Variants in ATXN10 observed in about 807,000 individuals in gnomAD.
ATXN10 encodes ataxin-10.
In ATXN10, 28 loss-of-function variants were observed where a neutral mutation model predicts 52.9. That is an observed-to-expected ratio of 0.53 (90% CI 0.39 to 0.73). The LOEUF (loss-of-function observed/expected upper bound fraction) is 0.73, where lower values mean the gene tolerates loss of function less well. ATXN10 is among the 30% of genes least tolerant of loss of function. The pLI is 0.00. For missense variants in ATXN10, 565 were observed against 577.0 expected, an observed-to-expected ratio of 0.98 and a Z score of 0.21; for synonymous variants, 226 against 221.5, an observed-to-expected ratio of 1.02 and a Z score of -0.18.
chr22:45,843,644 ATT>A lies in ATXN10; in HGVS notation c.1426-22_1426-21del. On this transcript the variant is annotated intron_variant, in intron 11 of 11. Coordinates refer to ENST00000252934, the MANE Select transcript of ATXN10 (RefSeq NM_013236.4). This position sits in a 1 kb window ranked among gnomAD's most constrained non-coding sequence, Gnocchi z 4.5. ...TGTGAACAGATTTGCTACATCTGCAATTTTGTTTCTTTCTTCTTCTTTAGTGA... is the reference window on the plus strand; with the variant it reads ...TGTGAACAGATTTGCTACATCTGCAATTGTTTCTTTCTTCTTCTTTAGTGA... 2 of 1,611,016 alleles carry A rather than the reference ATT, an allele frequency of 1.2e-6. No homozygotes were observed. Among genetic ancestry groups the A allele is most frequent in the Non-Finnish European group, 1.7e-6 (2 of 1,177,952 alleles).
intron 9 of ATXN10, 179 bp downstream of exon 9, chr22:45,740,717 C>CACATAT (rs1925487942): frequency 2.5e-6 from 1 of 405,870 alleles, no homozygotes; most frequent in African/African-American, 2.4e-5. Context: ...CACACACACA[C>CACATAT]ACATATATAT....
intron 9 of ATXN10, chr22:45,793,064 C>T: frequency 3.9e-6 from 1 of 254,248 alleles, no homozygotes; most frequent in East Asian, 8.4e-5. Flanking sequence ...GGACCGTGGT[C>T]ACCAGGTTTG....
intron 5 of ATXN10, among the ~76,000 whole-genome samples, chr22:45,709,085 A>T (rs926165613): frequency 6.6e-6 from 1 of 152,192 alleles, no homozygotes; most frequent in Admixed American, 6.5e-5. Flanking sequence ...TGCCTTATGC[A>T]TGTACATTTT....
At chr22:45,729,652 C>CCT in intron 7 of ATXN10, 62 bp downstream of exon 7, 1 of 1,548,696 alleles carries the variant, frequency 6.5e-7, no homozygotes, top group Admixed American at 1.7e-5. Flanking sequence ...CTAACTCAGC[C>CCT]AAGTCCTGTA....
At position 45,833,905 on chromosome 22, in the gene ATXN10, A is replaced by G. The variant is rs1929075699; in HGVS notation, c.1238-9086A>G. Among the ~76,000 whole-genome samples the G allele has an allele frequency of 6.6e-6, 1 of 152,156 alleles. No individual in the cohort carries two copies. Among genetic ancestry groups the G allele is most frequent in the Non-Finnish European group, 1.5e-5 (1 of 68,040 alleles). On this transcript the variant is annotated intron_variant, in intron 10 of 11. Coordinates refer to ENST00000252934, the MANE Select transcript of ATXN10 (RefSeq NM_013236.4). This position sits in a 1 kb window ranked among gnomAD's most constrained non-coding sequence, Gnocchi z 4.3. ...AGCGGATGCCAGAGCCTGACTGCCT[A>G]CTTCCAAATCCACCTTGAACACATC... is the stretch of plus-strand genomic sequence containing the variant.
intron 9 of ATXN10, chr22:45,792,699 T>C (rs373068382): frequency 2.9e-6 from 1 of 350,514 alleles, no homozygotes; most frequent in African/African-American, 2.1e-5. Flanking sequence ...CTCTGAACTA[T>C]CTATTGCTTT....
At position 45,795,308 on chromosome 22, in the gene ATXN10, T is replaced by C. The variant is rs766390897; in HGVS notation, c.1174-11651T>C. Among the ~76,000 whole-genome samples, 3 of 152,116 alleles carry C rather than the reference T, an allele frequency of 2.0e-5. No homozygotes were observed. The highest frequency in any genetic ancestry group is 4.4e-5 in the Non-Finnish European group (3 of 68,026). The stretch of plus-strand genomic sequence containing the variant: ...AAACTCAATCATGTTGATAAATATA[T>C]TAAATGTAAATGGCTTAAATATCCA... On this transcript the variant is annotated intron_variant, in intron 9 of 11. Transcript: ENST00000252934. This position sits in a 1 kb window ranked among gnomAD's most constrained non-coding sequence, Gnocchi z 4.6.
rs1569054878 is a variant in ATXN10, at chr22:45,762,983, CAG to C, written c.1173+22446_1173+22447del. On this transcript the variant is annotated intron_variant, in intron 9 of 11. Coordinates refer to ENST00000252934, the MANE Select transcript of ATXN10 (RefSeq NM_013236.4). This position sits in a 1 kb window ranked among gnomAD's most constrained non-coding sequence, Gnocchi z 4.3. ...CCAGCATCCGGAATCAGACCATCCT[CAG>C]GGGATTGGAATGCACAGAAGCATTT... Among the ~76,000 whole-genome samples, 2 of 152,244 alleles carry C rather than the reference CAG, an allele frequency of 1.3e-5. No homozygotes were observed. The highest frequency in any genetic ancestry group is 4.8e-5 in the African/African-American group (2 of 41,462).
At chr22:45,679,082 C>T (rs1234685463) in intron 1 of ATXN10, 1 of 152,200 alleles carries the variant, frequency 6.6e-6, no homozygotes, top group Non-Finnish European at 1.5e-5. Flanking sequence ...TTCTGACCTT[C>T]AGGTGCTTTT....
At chr22:45,729,332 A>G in intron 6 of ATXN10, 93 bp from the exon 7 acceptor site, 2 of 1,284,636 alleles carry the variant, frequency 1.6e-6, no homozygotes, top group Non-Finnish European at 2.2e-6. Flanking sequence ...ATTTAAAATA[A>G]TAATATTCCC....
intron 3 of ATXN10, among the ~76,000 whole-genome samples, chr22:45,694,091 A>G (rs1923491740): frequency 6.6e-6 from 1 of 152,154 alleles, no homozygotes. Context: ...TTAAGTGTCT[A>G]AGTCAAGTAT....
chr22:45,689,822 C>T lies in ATXN10; in HGVS notation c.227C>T (p.Ser76Phe). 1 of 1,614,172 alleles carries T rather than the reference C, an allele frequency of 6.2e-7. No homozygotes were observed. Among genetic ancestry groups the T allele is most frequent in the South Asian group, 1.1e-5 (1 of 91,082 alleles). ...RDPSQVENLA[S>F]SLQLITECFR... is the part of the protein sequence containing the mutation. ...CCATCCCAAGTGGAAAACCTGGCTTCCAGTCTGCAGTTAATAACAGAATGC... is the reference window on the plus strand; with the variant it reads ...CCATCCCAAGTGGAAAACCTGGCTTTCAGTCTGCAGTTAATAACAGAATGC... The change falls in exon 2 of 12, where the codon TCC (serine) becomes TTC (phenylalanine). Residue 76 changes from serine (S) to phenylalanine (F), a missense_variant. Physicochemically the swap from Ser to Phe is radical, Grantham distance 155. Transcript: ENST00000252934.
intron 9 of ATXN10, among the ~76,000 whole-genome samples, chr22:45,765,635 A>C (rs1335975372): frequency 1.3e-5 from 2 of 152,170 alleles, no homozygotes; most frequent in African/African-American, 2.4e-5. Flanking sequence ...CCATGTCATA[A>C]ATCACTCCTC....
Position 45,690,896 on chromosome 22 carries a change from T to C in ATXN10, c.308+993T>C, listed in dbSNP as rs190854247. Among the ~76,000 whole-genome samples, 443 of 152,318 alleles carry C rather than the reference T, an allele frequency of 2.9e-3. 2 individuals are homozygous for C. Among genetic ancestry groups the C allele is most frequent in the South Asian group, 8.7e-3 (42 of 4,820 alleles). Reference sequence around the variant, plus strand: ...CAAACAGGATGCTCACTTTCCTTCCTGGACTTGGATGTAGACAGAGCCTCC... The same window carrying C: ...CAAACAGGATGCTCACTTTCCTTCCCGGACTTGGATGTAGACAGAGCCTCC... On this transcript the variant is annotated intron_variant, in intron 2 of 11. Transcript: ENST00000252934. This position sits in a 1 kb window ranked among gnomAD's most constrained non-coding sequence, Gnocchi z 4.5.
Position 45,783,875 on chromosome 22 carries a change from G to A in ATXN10, c.1174-23084G>A, listed in dbSNP as rs951390821. On this transcript the variant is annotated intron_variant, in intron 9 of 11. Transcript: ENST00000252934. This position sits in a 1 kb window ranked among gnomAD's most constrained non-coding sequence, Gnocchi z 5.0. ...TGATGGCACGATTCCCGAGGGCACC[G>A]AGGAAATGGTCAGACTTCTTTCCTG... 2.0e-5 allele frequency among the ~76,000 whole-genome samples: 3 copies of A among 152,206 alleles called. No homozygotes were observed. The highest frequency in any genetic ancestry group is 4.8e-5 in the African/African-American group (2 of 41,450).
intron 6 of ATXN10, 152 bp from the exon 7 acceptor site, chr22:45,729,273 T>A (rs1363437458): frequency 3.9e-6 from 3 of 762,590 alleles, no homozygotes; most frequent in Non-Finnish European, 6.3e-6. Context: ...TGATGAAGAT[T>A]AACTTTATTC....
rs989655294 is a variant in ATXN10, at chr22:45,819,650, C to A, written c.1237+12628C>A. Among the ~76,000 whole-genome samples, 1 of 152,194 alleles carries A rather than the reference C, an allele frequency of 6.6e-6. No individual in the cohort carries two copies. Among genetic ancestry groups the A allele is most frequent in the African/African-American group, 2.4e-5 (1 of 41,446 alleles). On this transcript the variant is annotated intron_variant, in intron 10 of 11. Transcript: ENST00000252934. The surrounding 1 kb of genome is among the most constrained non-coding windows in gnomAD (Gnocchi z 4.5). ...TGAGACTGGAGGGAAGTGTGACTGC[C>A]TGTGCATGAAGTGCTGAGATGAGTT... is the stretch of plus-strand genomic sequence containing the variant.
intron 9 of ATXN10, among the ~76,000 whole-genome samples, chr22:45,742,619 A>G (rs1467414475): frequency 6.6e-6 from 1 of 152,222 alleles, no homozygotes; most frequent in Non-Finnish European, 1.5e-5. Flanking sequence ...AGTAGAAATC[A>G]TCTAGTCTGA....
At chr22:45,776,468 A>G (rs895822470) in intron 9 of ATXN10, among the ~76,000 whole-genome samples, 8 of 151,068 alleles carry the variant, frequency 5.3e-5, no homozygotes, top group East Asian at 3.9e-4. Flanking sequence ...ACCCACAGCC[A>G]TATGAAGTTT....
Sources: gnomAD v4.1 joint callset for allele counts (sites outside exome capture counted in the v4.1 genomes callset) on GRCh38, gnomAD v4.1.1 for gene constraint, Gnocchi (gnomAD v3.1) non-coding constraint, MANE v1.5 for transcripts, NCBI Gene and HGNC (gene_info 2026-07-23, HGNC 2026-07-21) for gene names.